Variants in FAT2 observed in about 807,000 individuals in gnomAD.
The protein encoded by FAT2 is protocadherin Fat 2.
In FAT2, 150 loss-of-function variants were observed where a neutral mutation model predicts 295.3. The observed-to-expected ratio is 0.51, with a 90% CI of 0.44 to 0.58. FAT2 has a LOEUF of 0.58. Ranked by LOEUF, FAT2 falls within the 20% of genes least tolerant of loss-of-function variation. The probability of loss-of-function intolerance (pLI) is 0.00; values close to 1 mark genes in which losing one functional copy is unlikely to be tolerated. For missense variants in FAT2, 4,868 were observed against 5,442.7 expected (o/e 0.89, Z 3.32); for synonymous variants, 2,026 against 2,150.3 (o/e 0.94, Z 1.60).
intron 14 of FAT2, among the ~76,000 whole-genome samples, chr5:151,530,612 G>C (rs1416839370): frequency 1.3e-5 from 2 of 152,220 alleles, no homozygotes; most frequent in African/African-American, 4.8e-5. Context: ...TAACAAACCA[G>C]TTTCGAAAAG....
chr5:151,582,916 A>C (rs1759015534), intron 1 of FAT2, among the ~76,000 whole-genome samples: 5 of 152,190 alleles, frequency 3.3e-5, no homozygotes, highest in Admixed American at 6.5e-5. Flanking sequence ...AAAGTCAAAC[A>C]GAAGAGCAGA....
chr5:151,556,479 A>G (rs1010222619), intron 3 of FAT2, 77 bp from the exon 4 acceptor site: 3 of 910,140 alleles, frequency 3.3e-6, no homozygotes, highest in Non-Finnish European at 5.3e-6. Flanking sequence ...TTCAAGAATT[A>G]CATTCAAATC....
At chr5:151,561,654 G>T (rs1561870115) in intron 3 of FAT2, among the ~76,000 whole-genome samples, 1 of 152,194 alleles carries the variant, frequency 6.6e-6, no homozygotes, top group Non-Finnish European at 1.5e-5. Context: ...GCCTCCCCAA[G>T]TGCTGGGATC....
chr5:151,560,145 C>T (rs1331749364), intron 3 of FAT2, among the ~76,000 whole-genome samples: 2 of 152,192 alleles, frequency 1.3e-5, no homozygotes, highest in East Asian at 3.8e-4. Flanking sequence ...AGGTCTTGCC[C>T]AAGCTGCCTT....
intron 7 of FAT2, 91 bp downstream of exon 7, chr5:151,551,376 C>A: frequency 7.4e-7 from 1 of 1,344,762 alleles, no homozygotes; most frequent in South Asian, 1.4e-5. Flanking sequence ...TGAGGAACAC[C>A]ACATCCACAG....
At position 151,546,105 on chromosome 5, in the gene FAT2, A is replaced by G. The variant is rs200875437; in HGVS notation, c.5022T>C (p.Pro1674=). ...EYFVEIPESI[P]VGSPILLVSA... is the part of the protein sequence containing the mutation. ...AGACAAGGAGGATTGGGGAACCAAC[A>G]GGGATTGATTCAGGGATCTCTACAA... The change falls in exon 10 of 24, where the codon CCT becomes CCC. Residue 1674 remains proline (P), a synonymous_variant. Transcript: ENST00000261800. 8.7e-6 allele frequency: 14 copies of G among 1,614,196 alleles called. No individual in the cohort carries two copies. The African/African-American group carries it at 1.9e-4, about 22-fold the overall frequency.
At chr5:151,561,739 T>C (rs979552743) in intron 3 of FAT2, among the ~76,000 whole-genome samples, 7 of 152,126 alleles carry the variant, frequency 4.6e-5, no homozygotes, top group African/African-American at 1.7e-4. Context: ...GGCATCCAAG[T>C]AGGGAAGTGG....
rs771301278 is a variant in FAT2, at chr5:151,534,395, C to T, written c.9427+14G>A. Reference sequence around the variant, plus strand: ...GAGATCATTGGAAATGGCCTCAATCCTTCTCAGACTCACCTTGGTCGGGAT... The same window carrying T: ...GAGATCATTGGAAATGGCCTCAATCTTTCTCAGACTCACCTTGGTCGGGAT... On this transcript the variant is annotated intron_variant, in intron 13 of 23. Transcript: ENST00000261800. The T allele has an allele frequency of 2.3e-5, 36 of 1,589,020 alleles. 1 individual carries two copies. The highest frequency in any genetic ancestry group is 3.0e-5 in the Non-Finnish European group (35 of 1,163,574).
At chr5:151,513,588 TACTTG>T (rs1752540237) in intron 20 of FAT2, among the ~76,000 whole-genome samples, 1 of 145,680 alleles carries the variant, frequency 6.9e-6, no homozygotes, top group African/African-American at 2.5e-5. Context: ...CATCAGGGCC[TACTTG>T]AGGGCAGAGG....
chr5:151,522,925 C>T (rs1397596540), intron 18 of FAT2, among the ~76,000 whole-genome samples: 1 of 152,132 alleles, frequency 6.6e-6, no homozygotes, highest in Non-Finnish European at 1.5e-5. Context: ...GTGACAGGAC[C>T]TCACTTAAGT....
At chr5:151,508,864 T>G (rs143974692) in intron 22 of FAT2, among the ~76,000 whole-genome samples, 301 of 152,346 alleles carry the variant, frequency 2.0e-3, no homozygotes, top group African/African-American at 6.5e-3. Flanking sequence ...AGGGATCCAC[T>G]GAGAGCTTGT....
intron 13 of FAT2, among the ~76,000 whole-genome samples, chr5:151,532,774 G>A (rs1754790403): frequency 6.6e-6 from 1 of 152,184 alleles, no homozygotes; most frequent in African/African-American, 2.4e-5. Flanking sequence ...CAACATTTAA[G>A]GCTCGGCTGT....
chr5:151,591,465 G>A (rs1056333862), upstream of FAT2, among the ~76,000 whole-genome samples: 7 of 152,162 alleles, frequency 4.6e-5, no homozygotes, highest in Admixed American at 2.0e-4. Context: ...CTCACGGTGG[G>A]GAATCAAGTC....
chr5:151,564,125 G>A (rs562278218), intron 2 of FAT2, among the ~76,000 whole-genome samples: 2 of 152,338 alleles, frequency 1.3e-5, no homozygotes, highest in South Asian at 4.1e-4. Context: ...AAGGGGCTGA[G>A]CTTCATTTTT....
intron 20 of FAT2, 87 bp downstream of exon 20, chr5:151,517,532 TG>T: frequency 6.7e-7 from 1 of 1,503,432 alleles, no homozygotes; most frequent in Non-Finnish European, 9.1e-7. Context: ...TTGGCAGAAA[TG>T]GGCTTCCTGA....
In FAT2 at chr5:151,507,396, C is replaced by A; in HGVS notation, c.12275G>T (p.Gly4092Val). ...EDPDLLARSV[G>V]VDTQAMPAIE... is the part of the protein sequence containing the mutation. The stretch of plus-strand genomic sequence containing the variant: ...GGCAGGCATGGCTTGGGTGTCAACA[C>A]CAACACTCCTGGCCAGGAGGTCTGG... Residue 4092 changes from glycine (G) to valine (V), a missense_variant, in exon 23 of 24, where the codon GGT becomes GTT. Around this residue, in one of 5 missense-constraint regions of FAT2, gnomAD observed 492 missense variants for 482.6 expected, o/e 1.02. Coordinates refer to ENST00000261800, the MANE Select transcript of FAT2 (RefSeq NM_001447.3). The A allele has an allele frequency of 1.2e-6, 2 of 1,614,200 alleles. No homozygotes were observed. Among genetic ancestry groups the A allele is most frequent in the Non-Finnish European group, 1.7e-6 (2 of 1,180,040 alleles).
At chr5:151,515,747 T>A (rs776210277) in intron 20 of FAT2, among the ~76,000 whole-genome samples, 3 of 152,324 alleles carry the variant, frequency 2.0e-5, no homozygotes, top group Non-Finnish European at 2.9e-5. Flanking sequence ...ACCACCATCC[T>A]CTCTTATCCA....
rs778654589 is a variant in FAT2, at chr5:151,567,225, A to G, written c.1707T>C (p.Cys569=). 6.2e-7 allele frequency: 1 copy of G among 1,614,186 alleles called. No individual in the cohort carries two copies. The highest frequency in any genetic ancestry group is 2.2e-5 in the East Asian group (1 of 44,884). ...DNQPMFEEVN[C]TGSIRQDWPV... is the part of the protein sequence containing the mutation. ...GCCAGTCTTGGCGGATAGACCCTGT[A>G]CAGTTGACTTCTTCAAACATAGGCT... Residue 569 remains cysteine (C), a synonymous_variant, in exon 2 of 24, where the codon TGT becomes TGC. Coordinates refer to ENST00000261800, the MANE Select transcript of FAT2 (RefSeq NM_001447.3).
rs151018743 is a variant in FAT2, at chr5:151,512,025, C to CA, written c.11905+139dup. ...CCCCTAGTCTAGATATTGCAGATTCCAACCTGTTACTCACAAGTTAGGGGA... is the reference window on the plus strand; with the variant it reads ...CCCCTAGTCTAGATATTGCAGATTCCAAACCTGTTACTCACAAGTTAGGGGA... On this transcript the variant is annotated intron_variant, in intron 21 of 23. Coordinates refer to ENST00000261800, the MANE Select transcript of FAT2 (RefSeq NM_001447.3). This position sits in a 1 kb window ranked among gnomAD's most constrained non-coding sequence, Gnocchi z 4.1. The CA allele has an allele frequency of 0.011, 7,811 of 723,662 alleles. 423 individuals are homozygous for CA. In the African/African-American group the frequency reaches 0.12, roughly 11 times the overall value. The allele number at this position is 723,662 out of a possible 1,614,324, so 44.8% of individuals were successfully genotyped here.
Sources: allele counts gnomAD v4.1 joint callset (sites outside exome capture counted in the v4.1 genomes callset), GRCh38; gene constraint gnomAD v4.1.1; regional missense constraint gnomAD v4.1.1; non-coding constraint Gnocchi (gnomAD v3.1); transcripts MANE v1.5; gene names NCBI Gene and HGNC (gene_info 2026-07-23, HGNC 2026-07-21).